Variants in PCDH7 observed in about 807,000 individuals in gnomAD.
The protein encoded by PCDH7 is protocadherin-7.
In PCDH7, 17 loss-of-function variants were observed where a neutral mutation model predicts 58.9. The observed-to-expected ratio is 0.29, with a 90% confidence interval of 0.20 to 0.43. The LOEUF (loss-of-function observed/expected upper bound fraction) is 0.43, where lower values mean the gene tolerates loss of function less well. Ranked by LOEUF, PCDH7 falls within the 20% of genes least tolerant of loss-of-function variation. The pLI is 1.00. For missense variants in PCDH7, 1,274 were observed against 1,441.0 expected (o/e 0.88, Z 1.88); for synonymous variants, 664 against 616.4 (o/e 1.08, Z -1.14).
chr4:30,902,040 T>A (rs914093200), intron 1 of PCDH7, among the ~76,000 whole-genome samples: 4 of 152,178 alleles, frequency 2.6e-5, no homozygotes, highest in Non-Finnish European at 5.9e-5. Context: ...TTTTCTTCTC[T>A]ATAAAATGCA....
intron 1 of PCDH7, among the ~76,000 whole-genome samples, chr4:30,768,626 T>C (rs1242881095): frequency 2.6e-5 from 4 of 152,220 alleles, no homozygotes; most frequent in Admixed American, 2.6e-4. Context: ...TAAGAGAAGA[T>C]ACTTTTAAGA....
intron 3 of PCDH7, among the ~76,000 whole-genome samples, chr4:31,110,643 C>T (rs1716167424): frequency 6.6e-6 from 1 of 152,012 alleles, no homozygotes; most frequent in Admixed American, 6.6e-5. Flanking sequence ...AGGCCGGGCG[C>T]GGTGGCTCAC....
At chr4:30,961,449 G>C (rs1212973372) in intron 3 of PCDH7, among the ~76,000 whole-genome samples, 1 of 151,936 alleles carries the variant, frequency 6.6e-6, no homozygotes, top group Non-Finnish European at 1.5e-5. Flanking sequence ...CTACTGGGGA[G>C]GCTAAGGCAG....
intron 1 of PCDH7, among the ~76,000 whole-genome samples, chr4:30,909,467 G>A (rs1161137127): frequency 6.6e-6 from 1 of 152,182 alleles, no homozygotes; most frequent in Non-Finnish European, 1.5e-5. Context: ...AAGCTGATAA[G>A]CAATTTCAGC....
At chr4:30,737,888 G>A (rs1333668519), downstream of PCDH7, among the ~76,000 whole-genome samples, 3 of 152,194 alleles carry the variant, frequency 2.0e-5, no homozygotes, top group Non-Finnish European at 4.4e-5. Context: ...AAATACCCCA[G>A]ACCGGGTGTC....
chr4:31,067,717 C>T (rs907628001), intron 3 of PCDH7, among the ~76,000 whole-genome samples: 33 of 151,924 alleles, frequency 2.2e-4, no homozygotes, highest in African/African-American at 7.0e-4. Context: ...CATTTATGAG[C>T]GCATAGCCCC....
chr4:31,131,600 G>C, intron 3 of PCDH7, among the ~76,000 whole-genome samples: 1 of 138,952 alleles, frequency 7.2e-6, no homozygotes, highest in South Asian at 2.5e-4. Context: ...CTCAATGTTT[G>C]CTTGAAACCT....
Position 30,963,899 on chromosome 4 carries a change from A to G in PCDH7, c.*7+13684A>G, listed in dbSNP as rs141709195. ...GGCTATTGGCAGTCTCAGAGGGGCC[A>G]TATTTTTACATGGATGAACCATTCC... On this transcript the variant is annotated intron_variant, in intron 3 of 3. Coordinates refer to the PCDH7 transcript ENST00000509759. 1.9e-3 allele frequency among the ~76,000 whole-genome samples: 284 copies of G among 152,312 alleles called. 1 individual carries two copies. Among genetic ancestry groups the G allele is most frequent in the African/African-American group, 5.8e-3 (243 of 41,570 alleles).
rs145481971 is a variant in PCDH7, at chr4:30,922,798, C to CTA, written c.287+2432_287+2433dup. The stretch of plus-strand genomic sequence containing the variant: ...GGCTGTGATTCATGTTAGCCTTGAT[C>CTA]TATAGGTAATGACAAAATGAGATGC... On this transcript the variant is annotated intron_variant, in intron 2 of 3. Transcript: ENST00000509759. Among the ~76,000 whole-genome samples, 607 of 152,164 alleles carry CTA rather than the reference C, an allele frequency of 4.0e-3. 4 individuals are homozygous for CTA. The highest frequency in any genetic ancestry group is 0.013 in the African/African-American group (560 of 41,538).
chr4:30,891,690 A>G (rs1738623937), intron 1 of PCDH7, among the ~76,000 whole-genome samples: 1 of 152,046 alleles, frequency 6.6e-6, no homozygotes, highest in Non-Finnish European at 1.5e-5. Flanking sequence ...GAAATGACCA[A>G]AGATCACTTA....
intron 1 of PCDH7, among the ~76,000 whole-genome samples, chr4:30,827,050 C>A (rs1729183338): frequency 6.6e-6 from 1 of 152,108 alleles, no homozygotes; most frequent in Non-Finnish European, 1.5e-5. Context: ...GATACATTTT[C>A]ACCTTAGTAT....
chr4:30,892,341 G>A (rs1299037442), intron 1 of PCDH7, among the ~76,000 whole-genome samples: 1 of 151,966 alleles, frequency 6.6e-6, no homozygotes, highest in African/African-American at 2.4e-5. Context: ...ATAATCTTTT[G>A]TTAGTAAAGT....
At chr4:30,980,920 G>A (rs1356830261) in intron 3 of PCDH7, among the ~76,000 whole-genome samples, 4 of 152,114 alleles carry the variant, frequency 2.6e-5, no homozygotes, top group Non-Finnish European at 5.9e-5. Flanking sequence ...CTCAGCTACT[G>A]CAACCTCTGC....
chr4:31,136,815 A>G (rs956070297), intron 3 of PCDH7, among the ~76,000 whole-genome samples: 3 of 152,054 alleles, frequency 2.0e-5, no homozygotes, highest in Non-Finnish European at 4.4e-5. Context: ...AGTCCAACTC[A>G]CTTGTGCATC....
At chr4:31,036,848 C>T (rs1402584237) in intron 3 of PCDH7, among the ~76,000 whole-genome samples, 1 of 152,066 alleles carries the variant, frequency 6.6e-6, no homozygotes, top group African/African-American at 2.4e-5. Flanking sequence ...CTGGGGAGGC[C>T]TCACAATTAT....
intron 3 of PCDH7, among the ~76,000 whole-genome samples, chr4:30,985,718 A>T (rs1426264757): frequency 1.3e-5 from 2 of 152,310 alleles, no homozygotes; most frequent in Non-Finnish European, 2.9e-5. Context: ...CAGCTAACTC[A>T]TCGCACATTT....
intron 2 of PCDH7, among the ~76,000 whole-genome samples, chr4:30,925,428 C>G (rs1472753314): frequency 2.0e-5 from 3 of 152,174 alleles, no homozygotes; most frequent in African/African-American, 7.2e-5. Context: ...GCAAACTTCT[C>G]TAGCAAGGCT....
At chr4:31,142,779 C>T in exon 4 of PCDH7, 3 of 1,367,170 alleles carry the variant, frequency 2.2e-6, no homozygotes, top group Non-Finnish European at 2.9e-6. Context: ...GAGGATATTC[C>T]CCTTACAAAA....
chr4:30,772,524 G>A (rs536268742), intron 1 of PCDH7, among the ~76,000 whole-genome samples: 2 of 152,232 alleles, frequency 1.3e-5, no homozygotes, highest in South Asian at 2.1e-4. Flanking sequence ...ACTGTGTTTG[G>A]GTGGCTATTT....
Sources: gnomAD v4.1 joint callset for allele counts (sites outside exome capture counted in the v4.1 genomes callset) on GRCh38, gnomAD v4.1.1 for gene constraint, MANE v1.5 for transcripts, NCBI Gene and HGNC (gene_info 2026-07-23, HGNC 2026-07-21) for gene names.